ACOT12: variants seen among roughly 807,000 people sequenced by gnomAD.
ACOT12 encodes the protein acyl-CoA thioesterase 12.
In ACOT12, 51 loss-of-function variants were observed where a neutral mutation model predicts 67.7. The observed-to-expected ratio is 0.75, with a 90% CI of 0.60 to 0.95. ACOT12 has a LOEUF of 0.95. ACOT12 is among the 40% of genes least tolerant of loss of function. ACOT12 has a pLI of 0.00. For missense variants in ACOT12, 734 were observed against 708.1 expected, an observed-to-expected ratio of 1.04 and a Z score of -0.41; for synonymous variants, 251 against 244.6, an observed-to-expected ratio of 1.03 and a Z score of -0.24.
At chr5:81,311,367 G>T in the ACOT12 span, 1 of 1,320,284 alleles carries the variant, frequency 7.6e-7, no homozygotes, top group East Asian at 2.3e-5. Context: ...ACTCAATTGG[G>T]ATACTAATGA....
the ACOT12 span, among the ~76,000 whole-genome samples, chr5:81,318,892 G>A: frequency 4.1e-4 from 62 of 152,246 alleles, no homozygotes; most frequent in African/African-American, 1.4e-3. Flanking sequence ...CTGCCAAGCA[G>A]GAAAAACAGT....
chr5:81,358,492 A>C (rs970768707), intron 5 of ACOT12, among the ~76,000 whole-genome samples: 11 of 152,176 alleles, frequency 7.2e-5, no homozygotes, highest in South Asian at 2.1e-4. Flanking sequence ...GACCAGCTTT[A>C]TAAACGGAGA....
chr5:81,320,499 T>TA, the ACOT12 span, among the ~76,000 whole-genome samples: 1 of 152,100 alleles, frequency 6.6e-6, no homozygotes, highest in East Asian at 1.9e-4. Flanking sequence ...TTTTCAGTCT[T>TA]AATTCATACT....
downstream of ACOT12, among the ~76,000 whole-genome samples, chr5:81,327,770 G>C (rs1183224422): frequency 2.0e-5 from 3 of 152,088 alleles, no homozygotes; most frequent in South Asian, 4.1e-4. Flanking sequence ...AGAAGCTTTC[G>C]GTCCTGTTAG....
chr5:81,339,160 A>G (rs1467532283), intron 11 of ACOT12, among the ~76,000 whole-genome samples: 2 of 152,250 alleles, frequency 1.3e-5, no homozygotes, highest in African/African-American at 4.8e-5. Flanking sequence ...TATGGAGACT[A>G]CACTGTGGTA....
Position 81,394,106 on chromosome 5 carries a change from C to A in ACOT12, c.9G>T (p.Arg3=). ME[R]PAPGEVVMSQ... is the part of the protein sequence containing the mutation. ...TCATGACCACCTCGCCGGGCGCCGG[C>A]CGCTCCATGGCCAGGGCGAGAGCGC... The change falls in exon 1 of 15, where the codon CGG becomes CGT. Residue 3 remains arginine, a synonymous_variant. Coordinates refer to ENST00000307624, the MANE Select transcript of ACOT12 (RefSeq NM_130767.3). 1 of 1,451,874 alleles carries A rather than the reference C, an allele frequency of 6.9e-7. No homozygotes were observed. Among genetic ancestry groups the A allele is most frequent in the African/African-American group, 1.5e-5 (1 of 68,258 alleles). The allele number at this position is 1,451,874 out of a possible 1,614,324, so 89.9% of individuals were successfully genotyped here.
In ACOT12 at chr5:81,332,580, T is replaced by C. The variant is rs144410754; in HGVS notation, c.1288A>G (p.Ser430Gly). ...FVSCEVIDWVSEDDQLYHITC... is the reference protein window; with the variant it reads ...FVSCEVIDWVGEDDQLYHITC... ...ATGTGATACAGCTGATCATCTTCAC[T>C]CACCCAGTCTATGACTTCACAGGAC... The change falls in exon 13 of 15, where the codon AGT (serine) becomes GGT (glycine). Residue 430 changes from serine to glycine, a missense_variant. Transcript: ENST00000307624. The C allele has an allele frequency of 1.7e-4, 267 of 1,614,094 alleles. No individual in the cohort carries two copies. The African/African-American group carries it at 3.2e-3, about 19-fold the overall frequency.
chr5:81,331,779 A>C (rs566725460), intron 13 of ACOT12, among the ~76,000 whole-genome samples: 89 of 152,348 alleles, frequency 5.8e-4, no homozygotes, highest in Non-Finnish European at 1.0e-3. Context: ...CATTTTACAA[A>C]TATTGACTAC....
chr5:81,348,578 T>C (rs752757796), intron 5 of ACOT12, among the ~76,000 whole-genome samples: 7 of 151,802 alleles, frequency 4.6e-5, no homozygotes, highest in Admixed American at 3.9e-4. Context: ...TGCTCTCTCT[T>C]TTTTTTTAGA....
At chr5:81,310,244 C>T in the ACOT12 span, among the ~76,000 whole-genome samples, 1 of 150,238 alleles carries the variant, frequency 6.7e-6, no homozygotes, top group Non-Finnish European at 1.5e-5. Flanking sequence ...CCTGTGTGTG[C>T]CTTGATTTTA....
At chr5:81,332,289 A>C (rs974527357) in intron 13 of ACOT12, among the ~76,000 whole-genome samples, 188 bp downstream of exon 13, 1 of 152,240 alleles carries the variant, frequency 6.6e-6, no homozygotes, top group African/African-American at 2.4e-5. Context: ...TCCTTTGCAA[A>C]CAGCTGGCTC....
chr5:81,383,095 G>A (rs540247932), intron 2 of ACOT12, among the ~76,000 whole-genome samples: 2 of 152,084 alleles, frequency 1.3e-5, no homozygotes, highest in South Asian at 2.1e-4. Flanking sequence ...AATTTTTACC[G>A]AATATCAAAC....
chr5:81,363,915 T>C lies in ACOT12; in HGVS notation c.259-26A>G, dbSNP rs377637352. On this transcript the variant is annotated intron_variant, in intron 3 of 14. Transcript: ENST00000307624. The stretch of plus-strand genomic sequence containing the variant: ...CTAAAATGAAAAAAAGATAAATAAA[T>C]ACACTCTTGGCCAGTTCAGATTTCA... 9 of 1,532,070 alleles carry C rather than the reference T, an allele frequency of 5.9e-6. No homozygotes were observed. In the African/African-American group the frequency reaches 1.1e-4, roughly 19 times the overall value. The allele number at this position is 1,532,070 out of a possible 1,614,324, so 94.9% of individuals were successfully genotyped here. A position where few individuals can be genotyped will look rare whatever the true frequency, so the allele number is the denominator to read the frequency against.
rs753737160 is a variant in ACOT12 at position 81,330,548 on chromosome 5, T to G, written c.1519-5A>C. ...CATATGGTTAAAGTAAGATACCTGT[T>G]TCAAAAAGAAAGTACAATATTTTAA... On this transcript the variant is annotated splice_region_variant and splice_polypyrimidine_tract_variant and intron_variant, in intron 14 of 14. Transcript: ENST00000307624. 6.2e-7 allele frequency: 1 copy of G among 1,611,776 alleles called. No homozygotes were observed. The highest frequency in any genetic ancestry group is 8.5e-7 in the Non-Finnish European group (1 of 1,179,330).
At chr5:81,383,153 G>A (rs1760634664) in intron 2 of ACOT12, among the ~76,000 whole-genome samples, 1 of 152,198 alleles carries the variant, frequency 6.6e-6, no homozygotes, top group South Asian at 2.1e-4. Flanking sequence ...CCAGCACTGT[G>A]GATCACCTGA....
At chr5:81,360,345 G>T (rs79022301) in intron 4 of ACOT12, among the ~76,000 whole-genome samples, 1,893 of 152,210 alleles carry the variant, frequency 0.012, 31 homozygotes, top group South Asian at 0.018. Flanking sequence ...TCATATTGAT[G>T]AATGAGGAGA....
chr5:81,312,121 C>T, the ACOT12 span, among the ~76,000 whole-genome samples: 1 of 152,114 alleles, frequency 6.6e-6, no homozygotes, highest in Non-Finnish European at 1.5e-5. Flanking sequence ...TTGAATTCTC[C>T]CTCCTGGGAG....
At chr5:81,321,456 G>A in the ACOT12 span, among the ~76,000 whole-genome samples, 7 of 152,078 alleles carry the variant, frequency 4.6e-5, no homozygotes, top group South Asian at 6.2e-4. Context: ...TGAATTTGGG[G>A]AGGATATAAC....
chr5:81,374,662 T>C lies in ACOT12; in HGVS notation c.198-2852A>G, dbSNP rs1760354378. On this transcript the variant is annotated intron_variant, in intron 2 of 14. Transcript: ENST00000307624. Reference sequence around the variant, plus strand: ...AGGAACATAAATGACCTGATGGAGCTGAAAAACACAGCACGAGAACTTCAT... The same window carrying C: ...AGGAACATAAATGACCTGATGGAGCCGAAAAACACAGCACGAGAACTTCAT... 2.0e-5 allele frequency among the ~76,000 whole-genome samples: 3 copies of C among 152,010 alleles called. No individual in the cohort carries two copies. The South Asian group carries it at 6.2e-4, about 31-fold the overall frequency.
Sources: allele counts gnomAD v4.1 joint callset (sites outside exome capture counted in the v4.1 genomes callset), GRCh38; gene constraint gnomAD v4.1.1; transcripts MANE v1.5; gene names NCBI Gene and HGNC (gene_info 2026-07-23, HGNC 2026-07-21).